Variants in APP observed in about 807,000 individuals in gnomAD.
The protein encoded by APP is amyloid beta precursor protein, also known as amyloid-beta precursor protein.
In APP, 31 loss-of-function variants were observed where a neutral mutation model predicts 101.4. The observed-to-expected ratio is 0.31, with a 90% CI of 0.23 to 0.41. APP has a LOEUF of 0.41. APP is among the 10% of genes least tolerant of loss of function. APP has a pLI of 1.00. For synonymous variants in APP, 366 were observed against 364.4 expected (o/e 1.00, Z -0.05); for missense variants, 839 against 1,003.7 (o/e 0.84, Z 2.22).
intron 1 of APP, among the ~76,000 whole-genome samples, chr21:26,163,256 A>T (rs2146385722): frequency 1.3e-5 from 2 of 150,708 alleles, no homozygotes; most frequent in African/African-American, 2.4e-5. Context: ...AAAAAAAAAA[A>T]AAAAAAAAAA....
At chr21:26,069,589 C>G (rs1354849517) in intron 3 of APP, among the ~76,000 whole-genome samples, 5 of 152,156 alleles carry the variant, frequency 3.3e-5, no homozygotes, top group Admixed American at 2.6e-4. Context: ...TTTGGTCCAG[C>G]CTATTTCTCT....
chr21:26,152,948 AC>A (rs2063308169), intron 1 of APP, among the ~76,000 whole-genome samples: 1 of 152,214 alleles, frequency 6.6e-6, no homozygotes, highest in African/African-American at 2.4e-5. Flanking sequence ...TATATCAGGG[AC>A]TACTACTCAG....
intron 1 of APP, among the ~76,000 whole-genome samples, chr21:26,151,406 A>G (rs1200605590): frequency 1.3e-5 from 2 of 152,214 alleles, no homozygotes; most frequent in African/African-American, 2.4e-5. Flanking sequence ...GAACCATTAA[A>G]TAAGAGGATT....
chr21:25,968,249 ACACT>A, intron 11 of APP, among the ~76,000 whole-genome samples: 1 of 151,866 alleles, frequency 6.6e-6, no homozygotes, highest in Middle Eastern at 3.4e-3. Context: ...TTCCTGGTTC[ACACT>A]CACACCTCAG....
intron 1 of APP, among the ~76,000 whole-genome samples, chr21:26,118,575 CAG>C (rs913150052): frequency 5.3e-5 from 8 of 152,164 alleles, no homozygotes; most frequent in African/African-American, 1.9e-4. Context: ...TTTTCTGAGA[CAG>C]AGTCTTGCTC....
At chr21:25,886,782 T>C (rs1365437207) in intron 17 of APP, among the ~76,000 whole-genome samples, 1 of 150,366 alleles carries the variant, frequency 6.7e-6, no homozygotes, top group Non-Finnish European at 1.5e-5. Context: ...GCACCCCCCC[T>C]CACTTTTCCT....
rs563920862 is a variant in APP, at chr21:25,998,672, T to C, written c.1034-1256A>G. Among the ~76,000 whole-genome samples the C allele has an allele frequency of 6.2e-4, 95 of 152,106 alleles. 1 individual carries two copies. Among genetic ancestry groups the C allele is most frequent in the Admixed American group, 2.9e-3 (45 of 15,270 alleles). On this transcript the variant is annotated intron_variant, in intron 7 of 17. Coordinates refer to ENST00000346798, the MANE Select transcript of APP (RefSeq NM_000484.4). ...CCACCCTTGCAACACAGCGGAGAAT[T>C]AGGCAGGAGTCTCTCAAAAAAGTAA... is the stretch of plus-strand genomic sequence containing the variant.
Position 26,036,912 on chromosome 21 carries a change from T to C in APP, c.662+14088A>G, listed in dbSNP as rs1235273546. On this transcript the variant is annotated intron_variant, in intron 5 of 17. Transcript: ENST00000346798. ...ATATTTACTGCAGCACTACTCACAATAGCCAAGATATGGAATAACCTAGAT... is the reference window on the plus strand; with the variant it reads ...ATATTTACTGCAGCACTACTCACAACAGCCAAGATATGGAATAACCTAGAT... 3.3e-5 allele frequency among the ~76,000 whole-genome samples: 5 copies of C among 152,158 alleles called. No homozygotes were observed. In the South Asian group the frequency reaches 6.2e-4, roughly 19 times the overall value.
chr21:26,080,398 T>A (rs952542779), intron 3 of APP, among the ~76,000 whole-genome samples: 4 of 152,156 alleles, frequency 2.6e-5, no homozygotes, highest in Non-Finnish European at 5.9e-5. Context: ...GCTCATTTTT[T>A]AAGTTTTTTT....
intron 5 of APP, among the ~76,000 whole-genome samples, chr21:26,037,787 T>C (rs1168263459): frequency 6.6e-6 from 1 of 152,194 alleles, no homozygotes; most frequent in Non-Finnish European, 1.5e-5. Flanking sequence ...TTTCCAATAA[T>C]AGTAGCTATA....
At chr21:26,045,832 T>C (rs1350365269) in intron 5 of APP, among the ~76,000 whole-genome samples, 1 of 152,182 alleles carries the variant, frequency 6.6e-6, no homozygotes, top group Non-Finnish European at 1.5e-5. Context: ...CGAGCTGTAT[T>C]AGTTCATTTG....
intron 3 of APP, among the ~76,000 whole-genome samples, chr21:26,057,869 G>A (rs1469473600): frequency 3.3e-5 from 5 of 152,144 alleles, no homozygotes; most frequent in Non-Finnish European, 2.9e-5. Flanking sequence ...CTTTTAGACT[G>A]TGAAGTACTT....
chr21:25,945,380 C>CTTTTTTTTTTTTTTTTT (rs553853354), intron 13 of APP: 3 of 75,610 alleles, frequency 4.0e-5, no homozygotes, highest in African/African-American at 9.8e-5. Flanking sequence ...GCAATCCGCA[C>CTTTTTTTTTTTTTTTTT]TTTTTTTTTT....
chr21:26,027,213 C>T (rs749160123), intron 5 of APP, among the ~76,000 whole-genome samples: 2 of 152,060 alleles, frequency 1.3e-5, no homozygotes, highest in Non-Finnish European at 2.9e-5. Context: ...GAAATGCAAC[C>T]AACCAGGGGA....
At chr21:25,904,054 A>G (rs1344491076) in intron 15 of APP, among the ~76,000 whole-genome samples, 1 of 152,200 alleles carries the variant, frequency 6.6e-6, no homozygotes, top group Non-Finnish European at 1.5e-5. Flanking sequence ...CTGTGTATTA[A>G]TATCTTCAAA....
At position 26,040,621 on chromosome 21, in the gene APP, A is replaced by AT. The variant is rs1449364188; in HGVS notation, c.662+10378_662+10379insA. ...CGTCTCCATTAAAAAAAAAAAAAAA[A>AT]AGCTGAGTGTGGAAGCAGGCACCTG... On this transcript the variant is annotated intron_variant, in intron 5 of 17. Coordinates refer to ENST00000346798, the MANE Select transcript of APP (RefSeq NM_000484.4). 1.6e-3 allele frequency among the ~76,000 whole-genome samples: 248 copies of AT among 150,364 alleles called. 1 individual carries two copies. Among genetic ancestry groups the AT allele is most frequent in the African/African-American group, 5.8e-3 (239 of 40,860 alleles).
intron 17 of APP, among the ~76,000 whole-genome samples, chr21:25,886,746 C>T (rs536862692): frequency 6.6e-6 from 1 of 151,748 alleles, no homozygotes; most frequent in South Asian, 2.1e-4. Context: ...CTTCCTGCTG[C>T]TCACTGTAAG....
intron 3 of APP, among the ~76,000 whole-genome samples, chr21:26,066,751 A>AG (rs1239076100): frequency 6.6e-6 from 1 of 152,132 alleles, no homozygotes; most frequent in East Asian, 1.9e-4. Context: ...ACACATCCCT[A>AG]AGAGCCAAGC....
At chr21:26,061,069 T>C (rs1404063824) in intron 3 of APP, among the ~76,000 whole-genome samples, 1 of 152,174 alleles carries the variant, frequency 6.6e-6, no homozygotes, top group African/African-American at 2.4e-5. Context: ...CTGGCATTAA[T>C]CCAGGTGGGA....
Sources: gnomAD v4.1 joint callset for allele counts (sites outside exome capture counted in the v4.1 genomes callset) on GRCh38, gnomAD v4.1.1 for gene constraint, MANE v1.5 for transcripts, NCBI Gene and HGNC (gene_info 2026-07-23, HGNC 2026-07-21) for gene names.